Variants in RBMS3 observed in about 807,000 individuals in gnomAD.
RBMS3 encodes RNA-binding motif, single-stranded-interacting protein 3.
In RBMS3, 27 loss-of-function variants were observed where a neutral mutation model predicts 66.8. That is an observed-to-expected ratio of 0.40 (90% confidence interval 0.30 to 0.56). The LOEUF (loss-of-function observed/expected upper bound fraction) is 0.56. RBMS3 is among the 20% of genes least tolerant of loss of function. RBMS3 has a pLI of 0.40. For missense variants in RBMS3, 513 were observed against 549.5 expected, an observed-to-expected ratio of 0.93 and a Z score of 0.66; for synonymous variants, 188 against 183.0, an observed-to-expected ratio of 1.03 and a Z score of -0.22.
chr3:29,628,526 C>T (rs1173061957), intron 4 of RBMS3, among the ~76,000 whole-genome samples: 1 of 152,110 alleles, frequency 6.6e-6, no homozygotes, highest in Non-Finnish European at 1.5e-5. Flanking sequence ...ACCAACGTCT[C>T]ACCTGAAACC....
intron 12 of RBMS3, among the ~76,000 whole-genome samples, chr3:29,980,706 T>C (rs1004486074): frequency 3.3e-5 from 5 of 152,190 alleles, no homozygotes; most frequent in African/African-American, 1.2e-4. Context: ...TCCCCATTGC[T>C]TGTTTTTGTC....
intron 5 of RBMS3, among the ~76,000 whole-genome samples, chr3:29,744,759 G>A (rs542015798): frequency 7.6e-5 from 11 of 145,390 alleles, no homozygotes; most frequent in African/African-American, 1.3e-4. Context: ...ACTCCAGCCC[G>A]CACGATAGTG....
intron 3 of RBMS3, among the ~76,000 whole-genome samples, chr3:29,563,686 T>A (rs2046635541): frequency 6.6e-6 from 1 of 152,192 alleles, no homozygotes. Flanking sequence ...TAAAAAAACT[T>A]CCTGTTTCCA....
chr3:29,340,776 T>G (rs1247652396), intron 1 of RBMS3, among the ~76,000 whole-genome samples: 1 of 152,198 alleles, frequency 6.6e-6, no homozygotes, highest in Non-Finnish European at 1.5e-5. Flanking sequence ...TTTGACAAGA[T>G]AATTAGATCA....
At chr3:29,617,741 C>T (rs2048717904) in intron 4 of RBMS3, among the ~76,000 whole-genome samples, 1 of 152,142 alleles carries the variant, frequency 6.6e-6, no homozygotes, top group South Asian at 2.1e-4. Context: ...ATGACAGGAT[C>T]TGGTGAACTC....
At chr3:29,857,824 A>C (rs560007253) in intron 6 of RBMS3, among the ~76,000 whole-genome samples, 1 of 152,108 alleles carries the variant, frequency 6.6e-6, no homozygotes, top group East Asian at 1.9e-4. Context: ...CCTCAATCAA[A>C]TCAAATTCTC....
At chr3:29,433,371 T>G (rs2041280507) in intron 1 of RBMS3, among the ~76,000 whole-genome samples, 1 of 152,168 alleles carries the variant, frequency 6.6e-6, no homozygotes, top group African/African-American at 2.4e-5. Context: ...TGAATGTGCT[T>G]ATTTTGTTTT....
chr3:29,671,435 A>C (rs750983970), intron 4 of RBMS3, among the ~76,000 whole-genome samples: 13 of 152,244 alleles, frequency 8.5e-5, no homozygotes, highest in Admixed American at 2.0e-4. Context: ...AATGACTTTG[A>C]CAAGTTGACA....
chr3:29,678,587 G>A (rs1228172128), intron 4 of RBMS3, among the ~76,000 whole-genome samples: 2 of 152,102 alleles, frequency 1.3e-5, no homozygotes, highest in African/African-American at 2.4e-5. Flanking sequence ...ATCTTTGTAA[G>A]GAAGAGTCAC....
rs190513384 is a variant in RBMS3 at position 29,289,389 on chromosome 3, A to C, written c.75+7633A>C. On this transcript the variant is annotated intron_variant, in intron 1 of 14. Coordinates refer to ENST00000383767, the MANE Select transcript of RBMS3 (RefSeq NM_001003793.3). ...CAGAAAAGAGTTTAGGAACTCCTCAAATGTGTAAAGGCCATTTCTATTTGC... is the reference window on the plus strand; with the variant it reads ...CAGAAAAGAGTTTAGGAACTCCTCACATGTGTAAAGGCCATTTCTATTTGC... Among the ~76,000 whole-genome samples the C allele has an allele frequency of 6.8e-4, 104 of 152,054 alleles. 1 individual carries two copies. The highest frequency in any genetic ancestry group is 1.1e-3 in the Non-Finnish European group (73 of 67,882).
intron 12 of RBMS3, among the ~76,000 whole-genome samples, chr3:29,974,864 C>A (rs71321117): frequency 1.6e-4 from 21 of 130,894 alleles, no homozygotes; most frequent in East Asian, 1.5e-3. Flanking sequence ...AAATACGTTT[C>A]TATATTTATA....
intron 1 of RBMS3, among the ~76,000 whole-genome samples, chr3:29,419,461 T>G (rs1390920694): frequency 6.6e-6 from 1 of 152,182 alleles, no homozygotes; most frequent in African/African-American, 2.4e-5. Context: ...TACCTGAGAA[T>G]TAGAAATCTC....
intron 3 of RBMS3, among the ~76,000 whole-genome samples, chr3:29,556,030 A>G (rs1242870794): frequency 1.3e-5 from 2 of 152,244 alleles, no homozygotes; most frequent in African/African-American, 4.8e-5. Flanking sequence ...TTTTAATTTG[A>G]AGACACATTG....
chr3:29,621,186 T>G (rs1053194873), intron 4 of RBMS3, among the ~76,000 whole-genome samples: 11 of 138,056 alleles, frequency 8.0e-5, no homozygotes, highest in African/African-American at 2.6e-4. Context: ...AATGTCTGCT[T>G]CTTTTTTTTT....
intron 4 of RBMS3, among the ~76,000 whole-genome samples, chr3:29,708,431 G>A (rs911674613): frequency 6.6e-6 from 1 of 152,190 alleles, no homozygotes; most frequent in Non-Finnish European, 1.5e-5. Flanking sequence ...ATTATTGACT[G>A]CTGCAGATGT....
intron 6 of RBMS3, among the ~76,000 whole-genome samples, chr3:29,844,637 G>A (rs1430935649): frequency 6.6e-6 from 1 of 152,186 alleles, no homozygotes; most frequent in Non-Finnish European, 1.5e-5. Flanking sequence ...ACAGTCTTCA[G>A]TGGAAGGTTC....
At chr3:29,358,095 G>T (rs1020256426) in intron 1 of RBMS3, among the ~76,000 whole-genome samples, 1 of 152,116 alleles carries the variant, frequency 6.6e-6, no homozygotes, top group Non-Finnish European at 1.5e-5. Context: ...ATTGCTTTTG[G>T]TGTTTTAGAC....
chr3:29,447,543 C>T (rs1329406339), intron 2 of RBMS3, among the ~76,000 whole-genome samples: 2 of 152,104 alleles, frequency 1.3e-5, no homozygotes, highest in Admixed American at 6.5e-5. Context: ...TCTCTTTCTA[C>T]GAAGTGGATA....
intron 3 of RBMS3, among the ~76,000 whole-genome samples, chr3:29,547,716 C>G (rs1559458154): frequency 6.6e-6 from 1 of 151,346 alleles, no homozygotes; most frequent in African/African-American, 2.4e-5. Flanking sequence ...TTTCTTAGTC[C>G]AAGTCTTCAG....
Sources: gnomAD v4.1 joint callset for allele counts (sites outside exome capture counted in the v4.1 genomes callset) on GRCh38, gnomAD v4.1.1 for gene constraint, MANE v1.5 for transcripts, NCBI Gene and HGNC (gene_info 2026-07-23, HGNC 2026-07-21) for gene names.